RNGTT: variants seen among roughly 807,000 people sequenced by gnomAD.
RNGTT encodes the protein mRNA-capping enzyme.
In RNGTT, 33 loss-of-function variants were observed where a neutral mutation model predicts 79.3. That is an observed-to-expected ratio of 0.42 (90% CI 0.32 to 0.56). RNGTT has a LOEUF of 0.56. RNGTT is among the 20% of genes least tolerant of loss of function. The pLI is 0.17. For synonymous variants in RNGTT, 222 were observed against 235.9 expected (o/e 0.94, Z 0.54); for missense variants, 497 against 739.1 (o/e 0.67, Z 3.80).
At chr6:88,843,802 C>T (rs945781709) in intron 11 of RNGTT, among the ~76,000 whole-genome samples, 6 of 151,148 alleles carry the variant, frequency 4.0e-5, no homozygotes, top group African/African-American at 1.5e-4. Flanking sequence ...GTGATCTGCC[C>T]GCCTTGGCCT....
intron 11 of RNGTT, among the ~76,000 whole-genome samples, chr6:88,815,127 T>C (rs1780273587): frequency 6.6e-6 from 1 of 152,192 alleles, no homozygotes; most frequent in Admixed American, 6.5e-5. Context: ...CTAAATGTAT[T>C]AGCCTGAACT....
intron 14 of RNGTT, among the ~76,000 whole-genome samples, chr6:88,621,490 C>T (rs2127765872): frequency 6.6e-6 from 1 of 152,174 alleles, no homozygotes; most frequent in South Asian, 2.1e-4. Flanking sequence ...TCCCTTTCTC[C>T]TTCTTACTCC....
intron 14 of RNGTT, among the ~76,000 whole-genome samples, chr6:88,674,430 C>T (rs2610726): frequency 0.27 from 40,491 of 151,704 alleles, 9,487 homozygotes; most frequent in African/African-American, 0.63. Context: ...TTCCAGCTAC[C>T]TGGGAGACTC....
At chr6:88,936,189 C>T (rs1784660214) in intron 2 of RNGTT, among the ~76,000 whole-genome samples, 1 of 152,182 alleles carries the variant, frequency 6.6e-6, no homozygotes, top group Non-Finnish European at 1.5e-5. Context: ...ACCTTAGCCT[C>T]CCAAAGCACT....
intron 14 of RNGTT, among the ~76,000 whole-genome samples, chr6:88,677,604 C>A (rs1454038060): frequency 6.6e-6 from 1 of 151,898 alleles, no homozygotes; most frequent in Non-Finnish European, 1.5e-5. Flanking sequence ...AAACCTGGGA[C>A]AACTGCCATG....
chr6:88,653,344 T>TA (rs1432334268), intron 14 of RNGTT, among the ~76,000 whole-genome samples: 1 of 152,200 alleles, frequency 6.6e-6, no homozygotes, highest in East Asian at 1.9e-4. Context: ...TATAATGTTT[T>TA]AAAAAACACT....
chr6:88,656,774 G>A lies in RNGTT; in HGVS notation c.1506+21579C>T, dbSNP rs182756971. Among the ~76,000 whole-genome samples the A allele has an allele frequency of 2.0e-3, 288 of 144,962 alleles. 4 individuals carry two copies. Among genetic ancestry groups the A allele is most frequent in the African/African-American group, 7.1e-3 (279 of 39,056 alleles). On this transcript the variant is annotated intron_variant, in intron 14 of 15. Coordinates refer to ENST00000369485, the MANE Select transcript of RNGTT (RefSeq NM_003800.5). Reference sequence around the variant, plus strand: ...CCCCATGACTTACTGAAGATGTTAAGAGATTAAAAAAAAAAAAAAAGTAAG... The same window carrying A: ...CCCCATGACTTACTGAAGATGTTAAAAGATTAAAAAAAAAAAAAAAGTAAG...
chr6:88,953,739 T>C (rs1011574273), intron 1 of RNGTT, among the ~76,000 whole-genome samples: 1 of 152,182 alleles, frequency 6.6e-6, no homozygotes, highest in African/African-American at 2.4e-5. Flanking sequence ...TCAGATAACC[T>C]ATAAGGGAAA....
At chr6:88,881,208 A>T (rs180970103) in intron 8 of RNGTT, among the ~76,000 whole-genome samples, 33 of 152,320 alleles carry the variant, frequency 2.2e-4, no homozygotes, top group Non-Finnish European at 4.1e-4. Context: ...ATTGAAGGAC[A>T]ATCTAATCAA....
intron 12 of RNGTT, among the ~76,000 whole-genome samples, chr6:88,775,585 T>C (rs1170620147): frequency 6.6e-6 from 1 of 152,190 alleles, no homozygotes; most frequent in African/African-American, 2.4e-5. Context: ...GACAGAGTAA[T>C]TTATATCTGT....
chr6:88,906,476 A>G (rs1783658110), intron 4 of RNGTT, 36 bp from the exon 5 acceptor site: 2 of 1,306,614 alleles, frequency 1.5e-6, no homozygotes, highest in Non-Finnish European at 2.1e-6. Context: ...AAATTAACAA[A>G]TCACTGCAGA....
chr6:88,844,233 A>G, intron 11 of RNGTT, 124 bp downstream of exon 11: 1 of 865,818 alleles, frequency 1.2e-6, no homozygotes, highest in Non-Finnish European at 1.7e-6. Context: ...ACAGCGCTAT[A>G]CCCAATTCGA....
chr6:88,630,481 T>TG (rs1262151342), intron 14 of RNGTT, among the ~76,000 whole-genome samples: 77 of 152,360 alleles, frequency 5.1e-4, no homozygotes, highest in African/African-American at 1.7e-3. Flanking sequence ...ATGGATATTC[T>TG]AGTCCTCTTC....
intron 12 of RNGTT, among the ~76,000 whole-genome samples, chr6:88,784,998 CAT>C (rs1159294134): frequency 3.9e-5 from 6 of 151,926 alleles, no homozygotes; most frequent in African/African-American, 1.5e-4. Context: ...TTTTTAAATA[CAT>C]GTTAAAATTT....
At chr6:88,873,301 G>A (rs1782413405) in intron 8 of RNGTT, among the ~76,000 whole-genome samples, 1 of 152,100 alleles carries the variant, frequency 6.6e-6, no homozygotes, top group Non-Finnish European at 1.5e-5. Flanking sequence ...ATGATTCAAG[G>A]AAGAGAAAGA....
chr6:88,849,691 T>C, intron 10 of RNGTT, 64 bp downstream of exon 10: 2 of 1,405,914 alleles, frequency 1.4e-6, no homozygotes, highest in South Asian at 3.0e-5. Flanking sequence ...CACCAAAGAC[T>C]ATTGTCAAAA....
At chr6:88,892,920 C>T (rs1783097800) in intron 6 of RNGTT, among the ~76,000 whole-genome samples, 2 of 151,992 alleles carry the variant, frequency 1.3e-5, no homozygotes, top group Non-Finnish European at 2.9e-5. Context: ...GACACTAGTC[C>T]TACTTTTTGT....
chr6:88,764,499 C>T (rs1297572428), intron 13 of RNGTT, among the ~76,000 whole-genome samples: 1 of 152,172 alleles, frequency 6.6e-6, no homozygotes, highest in African/African-American at 2.4e-5. Flanking sequence ...CAGGAAGACA[C>T]ATGTATACAA....
intron 8 of RNGTT, among the ~76,000 whole-genome samples, chr6:88,864,693 C>A (rs1242113760): frequency 3.9e-5 from 6 of 152,076 alleles, no homozygotes. Flanking sequence ...CTGAAGCAAT[C>A]CAAGTATCCA....
Sources: gnomAD v4.1 joint callset for allele counts (sites outside exome capture counted in the v4.1 genomes callset) on GRCh38, gnomAD v4.1.1 for gene constraint, MANE v1.5 for transcripts, NCBI Gene and HGNC (gene_info 2026-07-23, HGNC 2026-07-21) for gene names.